The following SMIM17 variants were observed in gnomAD, a reference collection of about 807,000 sequenced individuals.
The protein encoded by SMIM17 is small integral membrane protein 17.
In SMIM17, 10 loss-of-function variants were observed where a neutral mutation model predicts 12.2. The ratio of observed to expected loss-of-function variants is 0.82; its 90% CI spans 0.50 to 1.39. The LOEUF is 1.39. Among genes scored for constraint, SMIM17 ranks in the 40% most tolerant of loss-of-function variants. The probability of loss-of-function intolerance (pLI) is 0.00; values close to 1 mark genes in which losing one functional copy is unlikely to be tolerated. For missense variants in SMIM17, 136 were observed against 118.2 expected, an observed-to-expected ratio of 1.15 and a Z score of -0.70; for synonymous variants, 50 against 44.1, an observed-to-expected ratio of 1.13 and a Z score of -0.53.
At chr19:56,647,926 C>T (rs1337382066) in intron 3 of SMIM17, among the ~76,000 whole-genome samples, 4 of 152,070 alleles carry the variant, frequency 2.6e-5, no homozygotes, top group African/African-American at 7.2e-5. Flanking sequence ...TTCCATCCAC[C>T]CTCTTACCTT....
chr19:56,643,497 G>C (rs2045039607), intron 1 of SMIM17, among the ~76,000 whole-genome samples: 1 of 152,164 alleles, frequency 6.6e-6, no homozygotes. Context: ...GCCTCCTCGT[G>C]AGGAGGGGAG....
At chr19:56,644,444 T>TA (rs2045046784) in intron 1 of SMIM17, among the ~76,000 whole-genome samples, 1 of 152,214 alleles carries the variant, frequency 6.6e-6, no homozygotes, top group Non-Finnish European at 1.5e-5. Context: ...GTCTTCCTGT[T>TA]AAACACTGGA....
intron 2 of SMIM17, among the ~76,000 whole-genome samples, chr19:56,646,791 C>A (rs922910519): frequency 6.6e-6 from 1 of 152,124 alleles, no homozygotes; most frequent in African/African-American, 2.4e-5. Flanking sequence ...ATCATGATGA[C>A]TTTTAGGGTT....
intron 1 of SMIM17, among the ~76,000 whole-genome samples, chr19:56,643,628 G>A (rs947948935): frequency 6.6e-6 from 1 of 152,192 alleles, no homozygotes; most frequent in Non-Finnish European, 1.5e-5. Context: ...GCACCTGTGC[G>A]TGTTCGCGTT....
chr19:56,650,292 G>A (rs1363200983), intron 3 of SMIM17, among the ~76,000 whole-genome samples: 1 of 152,124 alleles, frequency 6.6e-6, no homozygotes, highest in Non-Finnish European at 1.5e-5. Context: ...TCCTGCCTCA[G>A]CCTCCTGAGT....
intron 1 of SMIM17, among the ~76,000 whole-genome samples, chr19:56,643,706 G>A (rs1477085366): frequency 6.6e-6 from 1 of 152,228 alleles, no homozygotes; most frequent in East Asian, 1.9e-4. Context: ...GCAAACAGGT[G>A]CAGCAGCCCC....
At chr19:56,645,878 G>A (rs770572772) in intron 2 of SMIM17, 42 bp downstream of exon 2, 2 of 1,494,830 alleles carry the variant, frequency 1.3e-6, no homozygotes, top group Non-Finnish European at 1.8e-6. Context: ...GGGTGGAGAG[G>A]AAGGAATTGG....
chr19:56,651,198 A>ACCTGTTAT (rs370117530), intron 3 of SMIM17, among the ~76,000 whole-genome samples: 31 of 152,256 alleles, frequency 2.0e-4, no homozygotes, highest in African/African-American at 6.7e-4. Context: ...TTGATGTAGG[A>ACCTGTTAT]CCTGTTATCC....
chr19:56,646,416 T>A (rs1381142707), intron 2 of SMIM17, among the ~76,000 whole-genome samples: 1 of 152,134 alleles, frequency 6.6e-6, no homozygotes, highest in Non-Finnish European at 1.5e-5. Flanking sequence ...CCCGGACGAT[T>A]TTTGGCAGTG....
At chr19:56,652,482 G>A (rs1172453363) in intron 3 of SMIM17, among the ~76,000 whole-genome samples, 3 of 151,676 alleles carry the variant, frequency 2.0e-5, no homozygotes, top group Admixed American at 6.6e-5. Context: ...GTGAAACCCC[G>A]TCTGTACTAA....
chr19:56,650,198 C>T (rs535553344), intron 3 of SMIM17, among the ~76,000 whole-genome samples: 8 of 152,228 alleles, frequency 5.3e-5, no homozygotes, highest in Non-Finnish European at 8.8e-5. Flanking sequence ...GACGGAATCT[C>T]GCTCTGTCAC....
chr19:56,656,412 G>A lies in SMIM17; in HGVS notation c.*1199G>A, dbSNP rs573733242. ...TTACTCGTTATTAGATTTGTCAAAG[G>A]TTTATCTAGCTTACTATTGTTTTTC... On this transcript the variant is annotated 3_prime_UTR_variant, in exon 4 of 4. Coordinates refer to ENST00000598409, the MANE Select transcript of SMIM17 (RefSeq NM_001193628.2). Among the ~76,000 whole-genome samples, 111 of 152,178 alleles carry A rather than the reference G, an allele frequency of 7.3e-4. 1 individual carries two copies. Among genetic ancestry groups the A allele is most frequent in the African/African-American group, 2.1e-3 (89 of 41,542 alleles).
chr19:56,653,847 C>A lies in SMIM17; in HGVS notation c.247-1256C>A, dbSNP rs185816094. On this transcript the variant is annotated intron_variant, in intron 3 of 3. Transcript: ENST00000598409. ...AATTCCATCAATGATTTATAATATA[C>A]TTTAATAATTCGTAGTCTGTGTCCT... Among the ~76,000 whole-genome samples the A allele has an allele frequency of 1.2e-3, 187 of 152,322 alleles. 2 individuals are homozygous for A. The highest frequency in any genetic ancestry group is 4.2e-3 in the African/African-American group (173 of 41,572).
chr19:56,647,451 G>GAGAGAGACAGAGAGAGAGA (rs2045073322), intron 2 of SMIM17, 107 bp from the exon 3 acceptor site: 1 of 666,952 alleles, frequency 1.5e-6, no homozygotes, highest in African/African-American at 1.9e-5. Context: ...GAGAGAGAGA[G>GAGAGAGACAGAGAGAGAGA]GAGGCTATTA....
At chr19:56,647,686 C>G (rs2045075326) in intron 3 of SMIM17, 52 bp downstream of exon 3, 1 of 1,442,138 alleles carries the variant, frequency 6.9e-7, no homozygotes, top group Non-Finnish European at 9.4e-7. Flanking sequence ...CTGTAGATCT[C>G]AGCACTTTGT....
chr19:56,652,768 G>A (rs976643586), intron 3 of SMIM17, among the ~76,000 whole-genome samples: 3 of 152,150 alleles, frequency 2.0e-5, no homozygotes, highest in African/African-American at 7.2e-5. Flanking sequence ...CCTGGAGGGC[G>A]AATTAACCTC....
chr19:56,655,369 G>C lies in SMIM17; in HGVS notation c.*156G>C. 2.0e-6 allele frequency: 1 copy of C among 499,464 alleles called. No individual in the cohort carries two copies. Among genetic ancestry groups the C allele is most frequent in the East Asian group, 3.0e-5 (1 of 33,576 alleles). The allele number at this position is 499,464 out of a possible 1,614,324, so 30.9% of individuals were successfully genotyped here. A position where few individuals can be genotyped will look rare whatever the true frequency, so the allele number is the denominator to read the frequency against. On this transcript the variant is annotated 3_prime_UTR_variant, in exon 4 of 4. Transcript: ENST00000598409. ...TGAGATGATTTTTAAAAAATTTTTG[G>C]TGTGAGTTTTCACATACTTTATTTC...
chr19:56,645,211 GTGTGTT>G (rs913675528), intron 1 of SMIM17, among the ~76,000 whole-genome samples: 4 of 151,860 alleles, frequency 2.6e-5, no homozygotes, highest in Admixed American at 6.6e-5. Context: ...GTGGATGTGT[GTGTGTT>G]TGTGTTTGTG....
intron 3 of SMIM17, among the ~76,000 whole-genome samples, chr19:56,651,280 G>A (rs1388687620): frequency 5.9e-5 from 9 of 152,148 alleles, no homozygotes. Context: ...CGTGTAAATG[G>A]CAGAGCTAGG....
Sources: allele counts gnomAD v4.1 joint callset (sites outside exome capture counted in the v4.1 genomes callset), GRCh38; gene constraint gnomAD v4.1.1; transcripts MANE v1.5; gene names NCBI Gene and HGNC (gene_info 2026-07-23, HGNC 2026-07-21).